Variants in NCKAP5L observed in about 807,000 individuals in gnomAD.
The protein encoded by NCKAP5L is nck-associated protein 5-like.
NCKAP5L carries 54 observed loss-of-function variants against 103.2 expected under a neutral mutation model. The observed-to-expected ratio is 0.52, with a 90% CI of 0.42 to 0.66. The LOEUF (loss-of-function observed/expected upper bound fraction) is 0.66, where lower values mean the gene tolerates loss of function less well. NCKAP5L is among the 30% of genes least tolerant of loss of function. The pLI, the probability that NCKAP5L is intolerant of heterozygous loss-of-function variation, is 0.00. For synonymous variants in NCKAP5L, 762 were observed against 748.6 expected, an observed-to-expected ratio of 1.02 and a Z score of -0.29; for missense variants, 1,733 against 1,750.6, an observed-to-expected ratio of 0.99 and a Z score of 0.18.
At chr12:49,809,955 C>T (rs1303128815) in intron 1 of NCKAP5L, among the ~76,000 whole-genome samples, 4 of 152,078 alleles carry the variant, frequency 2.6e-5, no homozygotes, top group Non-Finnish European at 5.9e-5. Context: ...CCCCAACTTC[C>T]GTTTCACAGG....
chr12:49,811,224 C>T (rs995511371), intron 1 of NCKAP5L, among the ~76,000 whole-genome samples: 8 of 152,210 alleles, frequency 5.3e-5, no homozygotes, highest in African/African-American at 1.4e-4. Context: ...CTCTCACTCT[C>T]TTCCCCACCA....
intron 1 of NCKAP5L, among the ~76,000 whole-genome samples, chr12:49,816,619 GA>G (rs528906302): frequency 6.5e-4 from 99 of 151,642 alleles, no homozygotes; most frequent in African/African-American, 2.3e-3. Flanking sequence ...TCAACATGGT[GA>G]AACCCTGTCT....
chr12:49,804,729 C>T (rs1373307775), intron 2 of NCKAP5L: 1 of 152,258 alleles, frequency 6.6e-6, no homozygotes, highest in Non-Finnish European at 1.5e-5. Context: ...TCCTCAGTTT[C>T]CTAGTTCTGA....
At chr12:49,805,573 C>A (rs1020358160) in intron 2 of NCKAP5L, 4 of 152,088 alleles carry the variant, frequency 2.6e-5, no homozygotes, top group Non-Finnish European at 5.9e-5. Flanking sequence ...CATTGAAGCC[C>A]CCACAAAAGA....
chr12:49,800,563 C>T (rs1050741347), intron 6 of NCKAP5L, among the ~76,000 whole-genome samples: 10 of 152,218 alleles, frequency 6.6e-5, no homozygotes, highest in Non-Finnish European at 1.2e-4. Flanking sequence ...GTGGGCCAAG[C>T]GCGACACATC....
intron 1 of NCKAP5L, among the ~76,000 whole-genome samples, chr12:49,814,530 G>C (rs942031393): frequency 5.9e-5 from 9 of 151,434 alleles, no homozygotes; most frequent in African/African-American, 1.9e-4. Context: ...CCATTCTGTG[G>C]GCTGTCTTTT....
In NCKAP5L at chr12:49,795,460, T is replaced by G. The variant is rs1413165258; in HGVS notation, c.2400A>C (p.Ser800=). ...TATTGGGCTTGCCCAGGCTTGGGGC[T>G]GAGGTTGGCACTTTGGCAGGGGTAC... is the stretch of plus-strand genomic sequence containing the variant. ...VPRTPAKVPT[S]APSLGKPNKS... is the part of the protein sequence containing the mutation. Residue 800 remains serine, a synonymous_variant, in exon 8 of 13, where the codon TCA becomes TCC. Coordinates refer to ENST00000335999, the MANE Select transcript of NCKAP5L (RefSeq NM_001037806.4). 7.1e-6 allele frequency: 11 copies of G among 1,559,328 alleles called. No homozygotes were observed. In the South Asian group the frequency reaches 1.4e-4, roughly 19 times the overall value.
chr12:49,793,641 T>G, intron 9 of NCKAP5L, 93 bp downstream of exon 9: 1 of 1,426,098 alleles, frequency 7.0e-7, no homozygotes, highest in Non-Finnish European at 9.3e-7. Flanking sequence ...CCGGCACTCA[T>G]GGTCTTGGGG....
intron 1 of NCKAP5L, among the ~76,000 whole-genome samples, chr12:49,811,678 G>A (rs1032047448): frequency 6.6e-6 from 1 of 152,088 alleles, no homozygotes; most frequent in African/African-American, 2.4e-5. Context: ...GGAGGCTGAG[G>A]TGGGAGGATC....
At chr12:49,810,748 T>C (rs1244430317) in intron 1 of NCKAP5L, among the ~76,000 whole-genome samples, 1 of 152,196 alleles carries the variant, frequency 6.6e-6, no homozygotes, top group African/African-American at 2.4e-5. Context: ...ATTATTTGTG[T>C]TTTTGGAACA....
rs67299530 is a variant in NCKAP5L, at chr12:49,807,246, C to CGTGTGT, written c.-98-1211_-98-1206dup. 8.1e-3 allele frequency among the ~76,000 whole-genome samples: 1,211 copies of CGTGTGT among 149,246 alleles called. 34 individuals carry two copies. In the East Asian group the frequency reaches 0.097, roughly 12 times the overall value. On this transcript the variant is annotated intron_variant, in intron 1 of 12. Transcript: ENST00000335999. ...ACAGTGAAAAGAGAGAATGCTTCTT[C>CGTGTGT]GTGTGTGTGTGTGTGTGTGTGTGTG... is the stretch of plus-strand genomic sequence containing the variant.
In NCKAP5L at chr12:49,792,414, G is replaced by A; in HGVS notation, c.3792+32C>T. 1.2e-6 allele frequency: 2 copies of A among 1,611,632 alleles called. No homozygotes were observed. The highest frequency in any genetic ancestry group is 8.5e-7 in the Non-Finnish European group (1 of 1,178,968). On this transcript the variant is annotated intron_variant, in intron 12 of 12. Transcript: ENST00000335999. The surrounding 1 kb of genome is among the most constrained non-coding windows in gnomAD (Gnocchi z 4.5). The stretch of plus-strand genomic sequence containing the variant: ...CCACATCACTCCCTCCTGCTCCCGA[G>A]TCCTTTCCCTTTCCTCTGCTGCAAT...
chr12:49,818,080 C>T (rs146371722), intron 1 of NCKAP5L, among the ~76,000 whole-genome samples: 1,550 of 151,354 alleles, frequency 0.01, 11 homozygotes, highest in South Asian at 0.027. Context: ...TGTAGTAAGC[C>T]GAGATCGCGC....
rs1279561285 is a variant in NCKAP5L, at chr12:49,797,285, T to A, written c.575A>T (p.Glu192Val). 6.2e-7 allele frequency: 1 copy of A among 1,613,404 alleles called. No homozygotes were observed. Residue 192 changes from glutamate to valine, a missense_variant, in exon 8 of 13, where the codon GAG (glutamate) becomes GTG (valine). Glu to Val is a moderately radical substitution (Grantham distance 121). Coordinates refer to ENST00000335999, the MANE Select transcript of NCKAP5L (RefSeq NM_001037806.4). This position sits in a 1 kb window ranked among gnomAD's most constrained non-coding sequence, Gnocchi z 4.5. ...AGTCTCTTCCAGGGCTCTCAGCACC[T>A]CCAGAATCTGGGCCTTCTTCCGAAG... ...PFLRKKAQIL[E>V]VLRALEETDP...
At position 49,796,504 on chromosome 12, in the gene NCKAP5L, T is replaced by C. The variant is rs1946047632; in HGVS notation, c.1356A>G (p.Pro452=). Residue 452 remains proline, a synonymous_variant, in exon 8 of 13, where the codon CCA becomes CCG. Coordinates refer to ENST00000335999, the MANE Select transcript of NCKAP5L (RefSeq NM_001037806.4). ...GCTTTAGAAACTTGAGACCCCTAGC[T>C]GGAGAGGGCAGAAGGGGTCCCTGAG... ...GEAQGPLLPS[P]ARGLKFLKLP... The C allele has an allele frequency of 1.3e-6, 2 of 1,544,250 alleles. No individual in the cohort carries two copies. Among genetic ancestry groups the C allele is most frequent in the Middle Eastern group, 1.7e-4 (1 of 5,732 alleles).
Position 49,792,452 on chromosome 12 carries a change from G to A in NCKAP5L, c.3786C>T (p.Thr1262=). The A allele has an allele frequency of 2.5e-6, 4 of 1,613,630 alleles. No individual in the cohort carries two copies. In the South Asian group the frequency reaches 3.3e-5, roughly 13 times the overall value. The change falls in exon 12 of 13, where the codon ACC becomes ACT. Residue 1262 remains threonine, a synonymous_variant. Coordinates refer to ENST00000335999, the MANE Select transcript of NCKAP5L (RefSeq NM_001037806.4). This position sits in a 1 kb window ranked among gnomAD's most constrained non-coding sequence, Gnocchi z 4.5. The stretch of plus-strand genomic sequence containing the variant: ...CCTCTGCTGCAATTCTCACCATGGG[G>A]GTCCTGGGCAGCCCCTCCAGTTGTC... The part of the protein sequence containing the change: ...PPRQLEGLPR[T]PMALPVDRKR...
In NCKAP5L at chr12:49,792,296, C is replaced by T. The variant is rs906159728; in HGVS notation, c.3792+150G>A. 3 of 1,488,256 alleles carry T rather than the reference C, an allele frequency of 2.0e-6. No individual in the cohort carries two copies. The highest frequency in any genetic ancestry group is 4.9e-5 in the East Asian group (2 of 40,690). 92.2% of individuals were successfully genotyped at this position (1,488,256 alleles called of 1,614,324 possible). A position where few individuals can be genotyped will look rare whatever the true frequency, so the allele number is the denominator to read the frequency against. On this transcript the variant is annotated intron_variant, in intron 12 of 12. Transcript: ENST00000335999. The surrounding 1 kb of genome is among the most constrained non-coding windows in gnomAD (Gnocchi z 4.5). The stretch of plus-strand genomic sequence containing the variant: ...GCAAGGAGGGCAGTGGGGAGGGCCG[C>T]TCACAGGGCATCCCAGGGGTCCTCC...
intron 8 of NCKAP5L, 44 bp from the exon 9 acceptor site, chr12:49,793,940 CCCAGACATT>C: frequency 1.1e-5 from 15 of 1,418,032 alleles, no homozygotes; most frequent in Non-Finnish European, 1.4e-5. Flanking sequence ...GTCTTGCCTG[CCCAGACATT>C]CCAGCCTTGC....
chr12:49,794,861 G>A lies in NCKAP5L; in HGVS notation c.2999C>T (p.Pro1000Leu), dbSNP rs767910182. The A allele has an allele frequency of 1.3e-6, 2 of 1,503,108 alleles. No homozygotes were observed. Among genetic ancestry groups the A allele is most frequent in the East Asian group, 4.8e-5 (2 of 41,238 alleles). 93.1% of individuals were successfully genotyped at this position (1,503,108 alleles called of 1,614,324 possible). ...CAGCCCCGTGTTGGGCCCTGGGGCT[G>A]GGCCACCAGGCCGTGGCCGGGCCCG... ...SSRARPRPGG[P>L]APGPNTGLGQ... is the part of the protein sequence containing the mutation. The change falls in exon 8 of 13, where the codon CCA (proline) becomes CTA (leucine). Residue 1000 changes from proline to leucine, a missense_variant. By Grantham distance (98) the Pro-to-Leu change is moderately conservative. Coordinates refer to ENST00000335999, the MANE Select transcript of NCKAP5L (RefSeq NM_001037806.4).
Sources: allele counts gnomAD v4.1 joint callset (sites outside exome capture counted in the v4.1 genomes callset), GRCh38; gene constraint gnomAD v4.1.1; non-coding constraint Gnocchi (gnomAD v3.1); transcripts MANE v1.5; gene names NCBI Gene and HGNC (gene_info 2026-07-23, HGNC 2026-07-21).